The following ADAT1 variants were observed in gnomAD, a reference collection of about 807,000 sequenced individuals.
ADAT1 encodes the protein adenosine deaminase tRNA specific 1, also known as tRNA-specific adenosine deaminase 1.
A neutral mutation model predicts 58.6 loss-of-function variants in ADAT1; 58 were observed. The observed-to-expected ratio is 0.99, with a 90% confidence interval of 0.80 to 1.23. ADAT1 has a LOEUF of 1.23. ADAT1 is among the 50% of genes most tolerant of loss of function. The pLI is 0.00. For missense variants in ADAT1, 741 were observed against 608.6 expected (o/e 1.22, Z -2.29); for synonymous variants, 254 against 220.8 (o/e 1.15, Z -1.33).
In ADAT1 at chr16:75,612,242, C is replaced by T. The variant is rs145365040; in HGVS notation, c.1043+1G>A. The T allele has an allele frequency of 1.9e-6, 3 of 1,612,970 alleles. No individual in the cohort carries two copies. The African/African-American group carries it at 4.0e-5, about 22-fold the overall frequency. On this transcript the variant is annotated splice_donor_variant, in intron 6 of 9. Transcript: ENST00000564657. LOFTEE classifies it high-confidence loss of function. ...CAATTGAGCCCTCCCTACCCTCTCA[C>T]CTTCCAATCAGTGCTCTCTGCATGG...
At chr16:75,602,989 G>A in intron 9 of ADAT1, 96 bp downstream of exon 9, 1 of 1,116,174 alleles carries the variant, frequency 9.0e-7, no homozygotes, top group Non-Finnish European at 1.3e-6. Context: ...CTGGCTTGCT[G>A]AACCACCACT....
At chr16:75,615,109 C>A (rs1427887792) in intron 5 of ADAT1, among the ~76,000 whole-genome samples, 1 of 151,764 alleles carries the variant, frequency 6.6e-6, no homozygotes, top group Non-Finnish European at 1.5e-5. Context: ...TGCCTATATT[C>A]CCACCTACTT....
chr16:75,616,661 T>C (rs1288850171), intron 5 of ADAT1, among the ~76,000 whole-genome samples: 4 of 152,220 alleles, frequency 2.6e-5, no homozygotes, highest in East Asian at 1.9e-4. Context: ...TTACCCTAAC[T>C]AACCATGACT....
At chr16:75,620,530 C>T (rs1051729314) in intron 2 of ADAT1, 101 bp downstream of exon 2, 15 of 1,466,752 alleles carry the variant, frequency 1.0e-5, no homozygotes, top group Middle Eastern at 2.4e-4. Flanking sequence ...TGCCTAACAT[C>T]GTAGTTCACA....
rs761009251 is a variant in ADAT1, at chr16:75,597,972, G to A, written c.*2244C>T. Among the ~76,000 whole-genome samples the A allele has an allele frequency of 5.4e-4, 82 of 152,348 alleles. No individual in the cohort carries two copies. The highest frequency in any genetic ancestry group is 8.2e-4 in the Non-Finnish European group (56 of 68,030). On this transcript the variant is annotated 3_prime_UTR_variant, in exon 10 of 10. Coordinates refer to ENST00000564657, the MANE Select transcript of ADAT1 (RefSeq NM_001324445.2). The stretch of plus-strand genomic sequence containing the variant: ...AGGCCACAGACAAGTAATGGTCTGT[G>A]GCTCTGGGGCTGGGGGCCCCTGCCC...
intron 7 of ADAT1, 34 bp from the exon 8 acceptor site, chr16:75,608,357 C>T (rs2151756022): frequency 6.5e-7 from 1 of 1,540,206 alleles, no homozygotes; most frequent in Non-Finnish European, 9.0e-7. Flanking sequence ...GTTAAAACTG[C>T]TCAATTTCTT....
intron 7 of ADAT1, 54 bp from the exon 8 acceptor site, chr16:75,608,377 A>G: frequency 7.0e-7 from 1 of 1,426,564 alleles, no homozygotes; most frequent in Non-Finnish European, 9.9e-7. Context: ...TGTGAAAGTC[A>G]GAAGTATTTT....
At chr16:75,609,496 C>CT (rs1433456032) in intron 6 of ADAT1, among the ~76,000 whole-genome samples, 2 of 151,868 alleles carry the variant, frequency 1.3e-5, no homozygotes, top group East Asian at 3.9e-4. Flanking sequence ...CTAGGGTTGG[C>CT]TTTTTTAAAA....
chr16:75,619,893 C>CAAAA (rs750598792), intron 3 of ADAT1: 98 of 98,410 alleles, frequency 1.0e-3, no homozygotes, highest in South Asian at 2.7e-3. Context: ...GACTCCGAGT[C>CAAAA]AAAAAAAAAA....
At chr16:75,607,099 G>A (rs538634368) in intron 8 of ADAT1, among the ~76,000 whole-genome samples, 4 of 151,952 alleles carry the variant, frequency 2.6e-5, no homozygotes, top group East Asian at 1.9e-4. Context: ...GCGTGGTGGC[G>A]GGCATCTGTA....
chr16:75,609,521 A>G (rs1844263117), intron 6 of ADAT1, among the ~76,000 whole-genome samples: 1 of 152,180 alleles, frequency 6.6e-6, no homozygotes, highest in Non-Finnish European at 1.5e-5. Context: ...ACAAAAAACC[A>G]ACATCTTTAT....
At position 75,608,223 on chromosome 16, in the gene ADAT1, C is replaced by T. The variant is rs757142939; in HGVS notation, c.1289+1G>A. The T allele has an allele frequency of 5.6e-6, 9 of 1,613,500 alleles. No homozygotes were observed. In the East Asian group the frequency reaches 1.3e-4, roughly 24 times the overall value. On this transcript the variant is annotated splice_donor_variant, in intron 8 of 9. Coordinates refer to ENST00000564657, the MANE Select transcript of ADAT1 (RefSeq NM_001324445.2). LOFTEE classifies it high-confidence loss of function. ...TCTCCTCCTGCCCCAATATGCTGTA[C>T]CTTGCCTGAAGGCTTCCAATTGTTT...
At chr16:75,610,572 C>T (rs770989514) in intron 6 of ADAT1, among the ~76,000 whole-genome samples, 1 of 152,206 alleles carries the variant, frequency 6.6e-6, no homozygotes, top group Non-Finnish European at 1.5e-5. Context: ...GCTAGGATTA[C>T]AGGCATGAGC....
At chr16:75,601,072 G>A (rs962285366) in intron 9 of ADAT1, among the ~76,000 whole-genome samples, 2 of 152,182 alleles carry the variant, frequency 1.3e-5, no homozygotes, top group Non-Finnish European at 2.9e-5. Flanking sequence ...CAGGCATGGT[G>A]GCTCACACCT....
At position 75,608,790 on chromosome 16, in the gene ADAT1, C is replaced by T. The variant is rs1344602931; in HGVS notation, c.1189+53G>A. On this transcript the variant is annotated intron_variant, in intron 7 of 9. Coordinates refer to ENST00000564657, the MANE Select transcript of ADAT1 (RefSeq NM_001324445.2). ...GGAGGATGCCGACCCTCTGGGGCCA[C>T]TCTCAGTCAGGGGAGCAGTTACTCC... 6 of 1,578,826 alleles carry T rather than the reference C, an allele frequency of 3.8e-6. No individual in the cohort carries two copies. In the African/African-American group the frequency reaches 8.2e-5, roughly 22 times the overall value.
chr16:75,597,437 G>A lies in ADAT1; in HGVS notation c.*2779C>T, dbSNP rs2081099518. The stretch of plus-strand genomic sequence containing the variant: ...TCTTCTTCAGAGCAGCAGTCCCCAA[G>A]GCACGAAAAAGTCTTCCTTAGAGCA... On this transcript the variant is annotated 3_prime_UTR_variant, in exon 10 of 10. Coordinates refer to ENST00000564657, the MANE Select transcript of ADAT1 (RefSeq NM_001324445.2). 4.5e-6 allele frequency: 2 copies of A among 444,610 alleles called. No individual in the cohort carries two copies. Among genetic ancestry groups the A allele is most frequent in the Admixed American group, 2.4e-5 (1 of 40,886 alleles). The allele number at this position is 444,610 out of a possible 1,614,324, so 27.5% of individuals were successfully genotyped here. A position where few individuals can be genotyped will look rare whatever the true frequency, so the allele number is the denominator to read the frequency against.
chr16:75,616,043 G>A (rs1041681787), intron 5 of ADAT1, among the ~76,000 whole-genome samples: 4 of 148,612 alleles, frequency 2.7e-5, no homozygotes, highest in Non-Finnish European at 5.9e-5. Flanking sequence ...GAGTCTTGCC[G>A]GGTCATCCAG....
Position 75,604,474 on chromosome 16 carries a change from T to TATACACACAC in ADAT1, c.1290-1304_1290-1303insGTGTGTGTAT, listed in dbSNP as rs1324943206. On this transcript the variant is annotated intron_variant, in intron 8 of 9. Coordinates refer to ENST00000564657, the MANE Select transcript of ADAT1 (RefSeq NM_001324445.2). ...AAAAAAAAATATATATATATATATA[T>TATACACACAC]ACACACACACACACACACACACACA... Among the ~76,000 whole-genome samples the TATACACACAC allele has an allele frequency of 7.4e-3, 398 of 53,960 alleles. 4 individuals are homozygous for TATACACACAC. The highest frequency in any genetic ancestry group is 9.4e-3 in the Admixed American group (25 of 2,656). 35.4% of individuals were successfully genotyped at this position (53,960 alleles called of 152,430 possible).
At chr16:75,608,669 T>C (rs2081433604) in intron 7 of ADAT1, among the ~76,000 whole-genome samples, 174 bp downstream of exon 7, 1 of 152,186 alleles carries the variant, frequency 6.6e-6, no homozygotes. Context: ...GTAAATAACA[T>C]GCCGGGGGTC....
Sources: gnomAD v4.1 joint callset for allele counts (sites outside exome capture counted in the v4.1 genomes callset) on GRCh38, gnomAD v4.1.1 for gene constraint, MANE v1.5 for transcripts, NCBI Gene and HGNC (gene_info 2026-07-23, HGNC 2026-07-21) for gene names.